Variants in FAM107B observed in about 807,000 individuals in gnomAD.
The protein encoded by FAM107B is protein FAM107B.
A neutral mutation model predicts 31.5 loss-of-function variants in FAM107B; 21 were observed. The observed-to-expected ratio is 0.67, with a 90% CI of 0.47 to 0.96. The LOEUF (loss-of-function observed/expected upper bound fraction) is 0.96. Among genes scored for constraint, FAM107B ranks in the 40% least tolerant of loss-of-function variants. The probability of loss-of-function intolerance (pLI) is 0.00; values close to 1 mark genes in which losing one functional copy is unlikely to be tolerated. For missense variants in FAM107B, 452 were observed against 377.1 expected, an observed-to-expected ratio of 1.20 and a Z score of -1.64; for synonymous variants, 157 against 141.5, an observed-to-expected ratio of 1.11 and a Z score of -0.78.
chr10:14,743,912 G>C (rs1832674263), intron 1 of FAM107B, among the ~76,000 whole-genome samples: 1 of 152,116 alleles, frequency 6.6e-6, no homozygotes, highest in South Asian at 2.1e-4. Context: ...AGTTTAATGA[G>C]AATAGCACTG....
chr10:14,710,083 T>C (rs1855607137), intron 1 of FAM107B, among the ~76,000 whole-genome samples: 1 of 152,140 alleles, frequency 6.6e-6, no homozygotes, highest in Admixed American at 6.5e-5. Flanking sequence ...AACCTTAGTT[T>C]CTAATAATGT....
chr10:14,666,506 G>GC (rs1357045451), intron 2 of FAM107B, among the ~76,000 whole-genome samples: 2 of 152,122 alleles, frequency 1.3e-5, no homozygotes, highest in African/African-American at 2.4e-5. Flanking sequence ...TATGGGAACT[G>GC]CAATCCAAGG....
chr10:14,533,517 G>A lies in FAM107B; in HGVS notation c.470-3002C>T, dbSNP rs551469973. Among the ~76,000 whole-genome samples the A allele has an allele frequency of 4.9e-4, 74 of 152,238 alleles. 1 individual carries two copies. Among genetic ancestry groups the A allele is most frequent in the Middle Eastern group, 6.8e-3 (2 of 294 alleles). ...GCCAGCGCTCAAGCCTGGGTGACTC[G>A]CTCTCCTTTACCTGACTGACTCGCT... On this transcript the variant is annotated intron_variant, in intron 2 of 4. Transcript: ENST00000181796.
intron 2 of FAM107B, among the ~76,000 whole-genome samples, chr10:14,562,035 C>T (rs113197394): frequency 0.11 from 17,459 of 152,250 alleles, 1,106 homozygotes; most frequent in Non-Finnish European, 0.15. Context: ...ATCCACCCGC[C>T]TTGGCCTCCC....
At chr10:14,643,822 C>T (rs1479591767) in intron 2 of FAM107B, among the ~76,000 whole-genome samples, 1 of 152,220 alleles carries the variant, frequency 6.6e-6, no homozygotes, top group Non-Finnish European at 1.5e-5. Context: ...TCAAGGCCCA[C>T]TCAAGTTATC....
chr10:14,755,414 G>T (rs1832908509), intron 1 of FAM107B, among the ~76,000 whole-genome samples: 14 of 151,698 alleles, frequency 9.2e-5, no homozygotes, highest in Admixed American at 9.2e-4. Flanking sequence ...GATGGTGGGT[G>T]CCTGTAATCC....
intron 1 of FAM107B, among the ~76,000 whole-genome samples, chr10:14,693,402 C>T (rs1218143271): frequency 2.7e-5 from 4 of 150,936 alleles, no homozygotes; most frequent in South Asian, 4.2e-4. Flanking sequence ...TCCTTGAACC[C>T]AGGAGACGGA....
At chr10:14,669,968 T>A (rs1588695722) in intron 1 of FAM107B, among the ~76,000 whole-genome samples, 1 of 152,328 alleles carries the variant, frequency 6.6e-6, no homozygotes, top group South Asian at 2.1e-4. Context: ...AATACTTGCA[T>A]AATGGATATC....
intron 2 of FAM107B, among the ~76,000 whole-genome samples, chr10:14,581,305 C>T (rs1851628449): frequency 6.6e-6 from 1 of 152,178 alleles, no homozygotes; most frequent in Non-Finnish European, 1.5e-5. Flanking sequence ...CCTGGGCAAG[C>T]ACCTGAATCG....
intron 1 of FAM107B, among the ~76,000 whole-genome samples, chr10:14,755,266 G>T (rs1390785265): frequency 6.6e-6 from 1 of 152,092 alleles, no homozygotes; most frequent in Non-Finnish European, 1.5e-5. Context: ...TAGCAGGCCA[G>T]GGTTGGGTAT....
chr10:14,745,033 G>C (rs55880978), intron 1 of FAM107B, among the ~76,000 whole-genome samples: 386 of 152,190 alleles, frequency 2.5e-3, no homozygotes, highest in African/African-American at 8.7e-3. Flanking sequence ...TTCAGTCTTG[G>C]GAGGATATAT....
chr10:14,568,509 G>A (rs1334176182), intron 2 of FAM107B, among the ~76,000 whole-genome samples: 1 of 151,664 alleles, frequency 6.6e-6, no homozygotes, highest in African/African-American at 2.4e-5. Flanking sequence ...TCAGGTAAGA[G>A]GAGGCTGGCT....
intron 1 of FAM107B, among the ~76,000 whole-genome samples, chr10:14,726,837 G>C (rs186013303): frequency 6.6e-6 from 1 of 152,190 alleles, no homozygotes; most frequent in African/African-American, 2.4e-5. Context: ...GTGTGGGGAT[G>C]GTTTTAGGAT....
At chr10:14,580,921 C>T (rs75314305) in intron 2 of FAM107B, among the ~76,000 whole-genome samples, 1,914 of 152,292 alleles carry the variant, frequency 0.013, 48 homozygotes, top group African/African-American at 0.044. Context: ...GTGATTAAAA[C>T]CTCCAGAACT....
chr10:14,723,432 T>G (rs536424665), intron 1 of FAM107B: 17 of 554,728 alleles, frequency 3.1e-5, no homozygotes, highest in African/African-American at 2.4e-4. Context: ...TTTTAATCTC[T>G]TCAGGATGTC....
intron 1 of FAM107B, among the ~76,000 whole-genome samples, chr10:14,740,966 G>T (rs1856422314): frequency 6.6e-6 from 1 of 152,204 alleles, no homozygotes. Flanking sequence ...AGTGTTAAAA[G>T]TAAATCCAGT....
chr10:14,617,340 A>AG (rs758762740), intron 2 of FAM107B, among the ~76,000 whole-genome samples: 153 of 152,264 alleles, frequency 1.0e-3, no homozygotes, highest in Non-Finnish European at 1.7e-3. Context: ...AAGGTGGAGC[A>AG]GGGGGGCCTT....
intron 1 of FAM107B, among the ~76,000 whole-genome samples, chr10:14,725,534 G>A (rs577130269): frequency 9.2e-5 from 14 of 152,234 alleles, no homozygotes; most frequent in African/African-American, 2.6e-4. Context: ...CCAGTGTCTA[G>A]TTAAGACCCC....
intron 2 of FAM107B, among the ~76,000 whole-genome samples, chr10:14,595,147 G>A (rs1383866903): frequency 6.6e-6 from 1 of 151,768 alleles, no homozygotes; most frequent in East Asian, 1.9e-4. Context: ...TGGACTGGGG[G>A]GAGGCTGCCC....
Sources: allele counts gnomAD v4.1 joint callset (sites outside exome capture counted in the v4.1 genomes callset), GRCh38; gene constraint gnomAD v4.1.1; transcripts MANE v1.5; gene names NCBI Gene and HGNC (gene_info 2026-07-23, HGNC 2026-07-21).